The following RBBP8 variants were observed in gnomAD, a reference collection of about 807,000 sequenced individuals.
RBBP8 encodes DNA endonuclease RBBP8.
Under a neutral mutation model 108.3 loss-of-function variants are expected in RBBP8, and 88 were observed. The ratio of observed to expected loss-of-function variants is 0.81; its 90% CI spans 0.68 to 0.97. The LOEUF (loss-of-function observed/expected upper bound fraction) is 0.97, where lower values mean the gene tolerates loss of function less well. RBBP8 is among the 50% of genes least tolerant of loss of function. The pLI, the probability that RBBP8 is intolerant of heterozygous loss-of-function variation, is 0.00. For missense variants in RBBP8, 1,023 were observed against 1,049.0 expected (o/e 0.98, Z 0.34); for synonymous variants, 332 against 348.2 (o/e 0.95, Z 0.52).
intron 4 of RBBP8, 70 bp from the exon 5 acceptor site, chr18:22,968,736 T>C: frequency 1.6e-6 from 2 of 1,280,714 alleles, no homozygotes; most frequent in African/African-American, 1.5e-5. Context: ...TAAATCTTTA[T>C]AAAAGTCTTG....
intron 16 of RBBP8, among the ~76,000 whole-genome samples, chr18:23,015,691 C>T (rs2046243194): frequency 6.6e-6 from 1 of 151,926 alleles, no homozygotes; most frequent in South Asian, 2.1e-4. Flanking sequence ...TCCAGTTTTA[C>T]CAGCACCGTT....
intron 16 of RBBP8, among the ~76,000 whole-genome samples, chr18:23,007,057 G>T (rs2046064813): frequency 7.0e-6 from 1 of 142,376 alleles, no homozygotes; most frequent in African/African-American, 2.6e-5. Context: ...GTTTCACTCT[G>T]TTGCCCCGGC....
Position 22,933,423 on chromosome 18 carries a change from G to C in RBBP8, c.-240G>C, listed in dbSNP as rs550385932. The C allele has an allele frequency of 4.1e-4, 64 of 154,254 alleles. No homozygotes were observed. The highest frequency in any genetic ancestry group is 2.2e-3 in the Middle Eastern group (4 of 1,784). 9.6% of individuals were successfully genotyped at this position (154,254 alleles called of 1,614,324 possible). On this transcript the variant is annotated 5_prime_UTR_variant, in exon 1 of 19. Transcript: ENST00000327155. ...CTTAAAGCGCGGGCTGTCCGGAGGG[G>C]TCGGCTTTCCCACCGAGGATTTGGC... is the stretch of plus-strand genomic sequence containing the variant.
rs373021471 is a variant in RBBP8, at chr18:22,974,125, A to C, written c.362-1028A>C. On this transcript the variant is annotated intron_variant, in intron 5 of 18. Coordinates refer to ENST00000327155, the MANE Select transcript of RBBP8 (RefSeq NM_002894.3). ...GAGTACAATTAACCTTCTTTGGTGA[A>C]AGTTGATTGTATTTACTGTGACCTG... is the stretch of plus-strand genomic sequence containing the variant. Among the ~76,000 whole-genome samples, 67 of 152,300 alleles carry C rather than the reference A, an allele frequency of 4.4e-4. 4 individuals carry two copies. The highest frequency in any genetic ancestry group is 1.5e-3 in the African/African-American group (63 of 41,562).
At chr18:23,007,452 C>A (rs111623420) in intron 16 of RBBP8, among the ~76,000 whole-genome samples, 1 of 151,670 alleles carries the variant, frequency 6.6e-6, no homozygotes. Context: ...CGCTTGTAAT[C>A]CCAGCACTTT....
At chr18:23,006,226 A>G in intron 15 of RBBP8, 137 bp from the exon 16 acceptor site, 4 of 737,004 alleles carry the variant, frequency 5.4e-6, no homozygotes, top group Non-Finnish European at 9.2e-6. Context: ...AGAAAATTTA[A>G]ATGAGTTGCT....
chr18:23,022,311 A>T, intron 18 of RBBP8, 41 bp downstream of exon 18: 1 of 1,563,074 alleles, frequency 6.4e-7, no homozygotes, highest in Non-Finnish European at 8.8e-7. Flanking sequence ...TATTTTTTTT[A>T]AATACTTGGC....
chr18:23,018,513 C>A (rs549600360), intron 17 of RBBP8, among the ~76,000 whole-genome samples: 1 of 152,196 alleles, frequency 6.6e-6, no homozygotes. Context: ...ACCAAAATCA[C>A]GGATGCTCAA....
intron 13 of RBBP8, among the ~76,000 whole-genome samples, chr18:22,997,357 G>A (rs1293394533): frequency 6.6e-6 from 1 of 152,158 alleles, no homozygotes; most frequent in African/African-American, 2.4e-5. Flanking sequence ...AAGTTCAGGG[G>A]TGTTTAGTGG....
At chr18:22,957,852 T>C (rs1188063658) in intron 4 of RBBP8, among the ~76,000 whole-genome samples, 1 of 152,216 alleles carries the variant, frequency 6.6e-6, no homozygotes, top group Non-Finnish European at 1.5e-5. Flanking sequence ...AGCTAGGGAA[T>C]ATTGCTTCAT....
intron 9 of RBBP8, 78 bp downstream of exon 9, chr18:22,989,396 G>A (rs1915532897): frequency 9.3e-7 from 1 of 1,075,180 alleles, no homozygotes; most frequent in Admixed American, 1.8e-5. Context: ...AATTAAGCAA[G>A]AGAATTGTTC....
chr18:23,018,598 A>T (rs1185683426), intron 17 of RBBP8, among the ~76,000 whole-genome samples: 1 of 152,124 alleles, frequency 6.6e-6, no homozygotes, highest in Non-Finnish European at 1.5e-5. Flanking sequence ...ATTACCTCTA[A>T]TTACTTATAA....
intron 5 of RBBP8, among the ~76,000 whole-genome samples, chr18:22,971,388 T>C (rs1490088389): frequency 1.3e-5 from 2 of 152,160 alleles, no homozygotes; most frequent in Non-Finnish European, 2.9e-5. Context: ...TGTTTTTCTT[T>C]ACATACTTTA....
intron 16 of RBBP8, among the ~76,000 whole-genome samples, chr18:23,012,552 C>T (rs1042103751): frequency 1.6e-5 from 2 of 123,070 alleles, no homozygotes; most frequent in South Asian, 2.8e-4. Flanking sequence ...GTGCCTAATC[C>T]AGAGCAAGCC....
intron 7 of RBBP8, among the ~76,000 whole-genome samples, chr18:22,983,256 G>A (rs1915070431): frequency 6.6e-6 from 1 of 152,156 alleles, no homozygotes; most frequent in South Asian, 2.1e-4. Flanking sequence ...AAGCATGGGG[G>A]ACGGGGGATA....
intron 4 of RBBP8, among the ~76,000 whole-genome samples, chr18:22,962,268 T>C (rs754807670): frequency 4.6e-5 from 7 of 152,144 alleles, no homozygotes; most frequent in Non-Finnish European, 7.3e-5. Flanking sequence ...TTTGCTTTAC[T>C]CTACTGAAGT....
At chr18:22,939,273 A>C (rs144488018) in intron 2 of RBBP8, among the ~76,000 whole-genome samples, 7,474 of 152,214 alleles carry the variant, frequency 0.049, 356 homozygotes, top group African/African-American at 0.12. Context: ...TTGGGAGGCC[A>C]AGGTGGGCGG....
At chr18:23,016,158 G>A (rs535132643) in intron 16 of RBBP8, among the ~76,000 whole-genome samples, 21 of 152,170 alleles carry the variant, frequency 1.4e-4, no homozygotes, top group African/African-American at 4.8e-4. Context: ...GAGCCACTGC[G>A]CCCATCCAGC....
intron 4 of RBBP8, among the ~76,000 whole-genome samples, chr18:22,960,879 A>G (rs1020661166): frequency 6.6e-6 from 1 of 152,246 alleles, no homozygotes; most frequent in Non-Finnish European, 1.5e-5. Context: ...AGTAAATATT[A>G]CGGGTATGTC....
Sources: allele counts gnomAD v4.1 joint callset (sites outside exome capture counted in the v4.1 genomes callset), GRCh38; gene constraint gnomAD v4.1.1; transcripts MANE v1.5; gene names NCBI Gene and HGNC (gene_info 2026-07-23, HGNC 2026-07-21).